Variants in ERBB4 observed in about 807,000 individuals in gnomAD.
The protein encoded by ERBB4 is receptor tyrosine-protein kinase erbB-4.
A neutral mutation model predicts 158.0 loss-of-function variants in ERBB4; 42 were observed. That is an observed-to-expected ratio of 0.27 (90% confidence interval 0.21 to 0.34). ERBB4 has a LOEUF of 0.34. Ranked by LOEUF, ERBB4 falls within the 10% of genes least tolerant of loss-of-function variation. The probability of loss-of-function intolerance (pLI) is 1.00; values close to 1 mark genes in which losing one functional copy is unlikely to be tolerated. For missense variants in ERBB4, 1,333 were observed against 1,624.1 expected (o/e 0.82, Z 3.08); for synonymous variants, 583 against 558.7 (o/e 1.04, Z -0.61).
In ERBB4 at chr2:212,241,884, C is replaced by T. The variant is rs112499347; in HGVS notation, c.83-116981G>A. Among the ~76,000 whole-genome samples the T allele has an allele frequency of 3.5e-5, 5 of 141,492 alleles. No homozygotes were observed. In the East Asian group the frequency reaches 6.3e-4, roughly 18 times the overall value. The allele number at this position is 141,492 out of a possible 152,430, so 92.8% of individuals were successfully genotyped here. On this transcript the variant is annotated intron_variant, in intron 1 of 27. Transcript: ENST00000342788. ...GTGAATTGATTCAACATATTAATAA[C>T]AAGATGATCTAAATTTATTATATAA...
Position 211,585,505 on chromosome 2 carries a change from G to T in ERBB4, c.2302-23417C>A, listed in dbSNP as rs190754805. 2.0e-3 allele frequency among the ~76,000 whole-genome samples: 307 copies of T among 152,094 alleles called. 1 individual carries two copies. The highest frequency in any genetic ancestry group is 3.4e-3 in the Non-Finnish European group (233 of 67,998). ...TAATTGATAGCATAAATAAGAAATTGACTTTGAGGGGTCATGATTTTTAAA... is the reference window on the plus strand; with the variant it reads ...TAATTGATAGCATAAATAAGAAATTTACTTTGAGGGGTCATGATTTTTAAA... On this transcript the variant is annotated intron_variant, in intron 19 of 27. Transcript: ENST00000342788.
intron 1 of ERBB4, among the ~76,000 whole-genome samples, chr2:212,148,908 C>A (rs376747809): frequency 7.0e-6 from 1 of 141,994 alleles, no homozygotes; most frequent in Non-Finnish European, 1.5e-5. Context: ...AGTAAACTAT[C>A]GCAAGAACAA....
chr2:212,462,637 C>T (rs1241417963), intron 1 of ERBB4, among the ~76,000 whole-genome samples: 2 of 151,972 alleles, frequency 1.3e-5, no homozygotes, highest in Non-Finnish European at 2.9e-5. Flanking sequence ...AAGGAGAATT[C>T]TTATACAGTG....
At chr2:212,348,775 T>C (rs2089127731) in intron 1 of ERBB4, among the ~76,000 whole-genome samples, 1 of 152,154 alleles carries the variant, frequency 6.6e-6, no homozygotes, top group Admixed American at 6.6e-5. Flanking sequence ...TATTCAGTTC[T>C]GTCCTAAGCA....
Position 211,630,510 on chromosome 2 carries a change from C to T in ERBB4, c.2031G>A (p.Arg677=), listed in dbSNP as rs781014963. ...AGGCTCTTTTCTTTTTGATGCTCTT[C>T]CTTCTAACATAAACAGCAAATGTCA... ...VGLTFAVYVR[R]KSIKKKRALR... Residue 677 remains arginine (R), a synonymous_variant, in exon 17 of 28, where the codon AGG becomes AGA. Coordinates refer to ENST00000342788, the MANE Select transcript of ERBB4 (RefSeq NM_005235.3). The T allele has an allele frequency of 3.7e-6, 6 of 1,613,378 alleles. No homozygotes were observed. The South Asian group carries it at 4.4e-5, about 12-fold the overall frequency.
intron 1 of ERBB4, among the ~76,000 whole-genome samples, chr2:212,270,818 G>A (rs529949468): frequency 6.6e-6 from 1 of 151,808 alleles, no homozygotes; most frequent in South Asian, 2.1e-4. Context: ...GGGAGCTATT[G>A]GGAGAGGAGG....
chr2:212,357,664 C>T (rs2089513899), intron 1 of ERBB4, among the ~76,000 whole-genome samples: 2 of 151,498 alleles, frequency 1.3e-5, no homozygotes, highest in Admixed American at 1.3e-4. Flanking sequence ...TTTGACTAAC[C>T]TCCTTCGATC....
intron 20 of ERBB4, among the ~76,000 whole-genome samples, chr2:211,444,875 A>C (rs2064071572): frequency 6.6e-6 from 1 of 152,132 alleles, no homozygotes; most frequent in Non-Finnish European, 1.5e-5. Flanking sequence ...AGAAAAAGGG[A>C]CATGTAGCAT....
intron 3 of ERBB4, among the ~76,000 whole-genome samples, chr2:211,825,347 T>C (rs1411263676): frequency 2.0e-5 from 3 of 151,910 alleles, no homozygotes; most frequent in Non-Finnish European, 4.4e-5. Flanking sequence ...ATTATTTCTT[T>C]AATGCAGAAA....
intron 3 of ERBB4, among the ~76,000 whole-genome samples, chr2:211,865,671 C>T (rs1180565988): frequency 3.3e-5 from 5 of 152,150 alleles, no homozygotes; most frequent in East Asian, 3.9e-4. Context: ...ACTGTTCCAT[C>T]TCCCCAAACA....
chr2:212,219,249 A>G (rs529463727), intron 1 of ERBB4, among the ~76,000 whole-genome samples: 6 of 151,524 alleles, frequency 4.0e-5, no homozygotes, highest in East Asian at 1.9e-4. Flanking sequence ...TCCTCTAAAC[A>G]TTATTGCATT....
At chr2:211,894,947 C>T (rs1332192599) in intron 3 of ERBB4, among the ~76,000 whole-genome samples, 2 of 152,006 alleles carry the variant, frequency 1.3e-5, no homozygotes, top group African/African-American at 4.8e-5. Context: ...TCAAATTAAC[C>T]TCAGTTAATT....
At chr2:211,649,902 T>C (rs538716813) in intron 16 of ERBB4, among the ~76,000 whole-genome samples, 4 of 152,086 alleles carry the variant, frequency 2.6e-5, no homozygotes, top group Admixed American at 6.6e-5. Flanking sequence ...TAATGGAATT[T>C]TGTTGATAAA....
intron 20 of ERBB4, among the ~76,000 whole-genome samples, chr2:211,436,415 T>C (rs1443358390): frequency 1.3e-5 from 2 of 152,134 alleles, no homozygotes; most frequent in Non-Finnish European, 2.9e-5. Context: ...TCTAGCCCTG[T>C]CACTCTGAGA....
chr2:211,831,382 C>T (rs2077216577), intron 3 of ERBB4, among the ~76,000 whole-genome samples: 1 of 152,122 alleles, frequency 6.6e-6, no homozygotes, highest in African/African-American at 2.4e-5. Context: ...GAGAGCTTTT[C>T]AGGGTCTTGT....
At chr2:211,679,020 T>C (rs374938698) in intron 13 of ERBB4, 32 bp downstream of exon 13, 8 of 1,478,040 alleles carry the variant, frequency 5.4e-6, no homozygotes, top group South Asian at 1.1e-5. Context: ...TCAAAGCTCA[T>C]GAGGTGAAGG....
chr2:211,445,539 G>A (rs916097673), intron 20 of ERBB4, among the ~76,000 whole-genome samples: 1 of 152,090 alleles, frequency 6.6e-6, no homozygotes, highest in African/African-American at 2.4e-5. Flanking sequence ...TTCTTGTGGA[G>A]TTGTTGGAGA....
intron 2 of ERBB4, among the ~76,000 whole-genome samples, chr2:212,108,950 C>T (rs1449421747): frequency 6.6e-6 from 1 of 151,978 alleles, no homozygotes; most frequent in African/African-American, 2.4e-5. Flanking sequence ...ATGGAGATGG[C>T]AGCGCACAGT....
At chr2:212,137,284 G>A (rs2080302350) in intron 1 of ERBB4, among the ~76,000 whole-genome samples, 1 of 152,044 alleles carries the variant, frequency 6.6e-6, no homozygotes, top group Non-Finnish European at 1.5e-5. Context: ...CAGGTATTAA[G>A]CTTAGTACAC....
Sources: gnomAD v4.1 joint callset for allele counts (sites outside exome capture counted in the v4.1 genomes callset) on GRCh38, gnomAD v4.1.1 for gene constraint, MANE v1.5 for transcripts, NCBI Gene and HGNC (gene_info 2026-07-23, HGNC 2026-07-21) for gene names.